Variants in CHAF1B observed in about 807,000 individuals in gnomAD.
CHAF1B encodes the protein chromatin assembly factor 1 subunit B.
In CHAF1B, 10 loss-of-function variants were observed where a neutral mutation model predicts 60.7. The observed-to-expected ratio is 0.16, with a 90% confidence interval of 0.10 to 0.28. CHAF1B has a LOEUF of 0.28. Among genes scored for constraint, CHAF1B ranks in the 10% least tolerant of loss-of-function variants. CHAF1B has a pLI of 1.00. For synonymous variants in CHAF1B, 261 were observed against 266.1 expected, an observed-to-expected ratio of 0.98 and a Z score of 0.19; for missense variants, 558 against 708.4, an observed-to-expected ratio of 0.79 and a Z score of 2.41.
chr21:36,409,834 G>A (rs1350925376), intron 10 of CHAF1B, among the ~76,000 whole-genome samples: 2 of 151,384 alleles, frequency 1.3e-5, no homozygotes, highest in African/African-American at 2.4e-5. Context: ...GCAAAGACTG[G>A]GGTTATCAAA....
At chr21:36,406,682 A>G (rs1333679094) in intron 8 of CHAF1B, among the ~76,000 whole-genome samples, 1 of 152,166 alleles carries the variant, frequency 6.6e-6, no homozygotes, top group Non-Finnish European at 1.5e-5. Flanking sequence ...AAATCTAGCT[A>G]ATTAGCATAG....
chr21:36,409,431 G>C lies in CHAF1B; in HGVS notation c.885G>C (p.Pro295=), dbSNP rs760372569. ...GKATLAVRCC[P]VYFELRPVVE... Reference sequence around the variant, plus strand: ...CCACTCTTGCTGTTCGCTGCTGTCCGGTCTACTTTGAACTGAGGCCAGTGG... The same window carrying C: ...CCACTCTTGCTGTTCGCTGCTGTCCCGTCTACTTTGAACTGAGGCCAGTGG... The change falls in exon 10 of 14, where the codon CCG becomes CCC. Residue 295 remains proline (P), a synonymous_variant. Coordinates refer to ENST00000314103, the MANE Select transcript of CHAF1B (RefSeq NM_005441.3). The C allele has an allele frequency of 6.2e-7, 1 of 1,613,716 alleles. No individual in the cohort carries two copies. Among genetic ancestry groups the C allele is most frequent in the African/African-American group, 1.3e-5 (1 of 74,918 alleles).
At chr21:36,387,851 T>C in intron 3 of CHAF1B, 121 bp downstream of exon 3, 1 of 1,228,270 alleles carries the variant, frequency 8.1e-7, no homozygotes, top group Non-Finnish European at 1.1e-6. Context: ...AGAGTTTCAC[T>C]CTTGTTCCCC....
Position 36,386,081 on chromosome 21 carries a change from C to A in CHAF1B, c.-56C>A. 1 of 1,605,952 alleles carries A rather than the reference C, an allele frequency of 6.2e-7. No homozygotes were observed. Among genetic ancestry groups the A allele is most frequent in the Non-Finnish European group, 8.5e-7 (1 of 1,174,552 alleles). On this transcript the variant is annotated 5_prime_UTR_variant, in exon 2 of 14. Coordinates refer to ENST00000314103, the MANE Select transcript of CHAF1B (RefSeq NM_005441.3). The stretch of plus-strand genomic sequence containing the variant: ...CCAGCATTTTGCAGCTTTCTCCTGT[C>A]TTGAAGAAGTAGAACGGTGCCCGAG...
At chr21:36,412,712 A>C in intron 11 of CHAF1B, 172 bp from the exon 12 acceptor site, 8 of 632,984 alleles carry the variant, frequency 1.3e-5, no homozygotes, top group Admixed American at 3.0e-5. Context: ...CGACTTAGCA[A>C]ATCGCGATGA....
chr21:36,397,631 C>T, intron 6 of CHAF1B, 120 bp downstream of exon 6: 2 of 407,086 alleles, frequency 4.9e-6, no homozygotes, highest in Non-Finnish European at 4.4e-6. Flanking sequence ...TTCTTTTGTT[C>T]TTGTTTTCAT....
Position 36,391,500 on chromosome 21 carries a change from A to G in CHAF1B, c.260-51A>G, listed in dbSNP as rs763992472. 6 of 1,062,812 alleles carry G rather than the reference A, an allele frequency of 5.6e-6. No individual in the cohort carries two copies. The South Asian group carries it at 6.7e-5, about 12-fold the overall frequency. 65.8% of individuals were successfully genotyped at this position (1,062,812 alleles called of 1,614,324 possible). Reference sequence around the variant, plus strand: ...AAAAAATGAAAATAAAAATCCTAATATGAAGGAGTGTGGGTGAAGCGTGGA... The same window carrying G: ...AAAAAATGAAAATAAAAATCCTAATGTGAAGGAGTGTGGGTGAAGCGTGGA... On this transcript the variant is annotated intron_variant, in intron 3 of 13. Coordinates refer to ENST00000314103, the MANE Select transcript of CHAF1B (RefSeq NM_005441.3).
intron 4 of CHAF1B, among the ~76,000 whole-genome samples, chr21:36,392,447 C>T (rs2086097571): frequency 6.6e-6 from 1 of 152,236 alleles, no homozygotes; most frequent in South Asian, 2.1e-4. Context: ...GGTACACCTC[C>T]CAGACGGGGT....
intron 3 of CHAF1B, among the ~76,000 whole-genome samples, chr21:36,388,394 A>C (rs1417875235): frequency 6.6e-6 from 1 of 151,744 alleles, no homozygotes; most frequent in Non-Finnish European, 1.5e-5. Flanking sequence ...TGTGGTGATC[A>C]GAGTCAGTTC....
At chr21:36,389,998 C>T (rs1189722736) in intron 3 of CHAF1B, among the ~76,000 whole-genome samples, 3 of 152,116 alleles carry the variant, frequency 2.0e-5, no homozygotes, top group African/African-American at 7.2e-5. Flanking sequence ...GTTAACCAAG[C>T]TCCCAGACTA....
intron 7 of CHAF1B, among the ~76,000 whole-genome samples, chr21:36,401,153 G>A (rs138341387): frequency 6.6e-6 from 1 of 151,916 alleles, no homozygotes; most frequent in African/African-American, 2.4e-5. Flanking sequence ...TGTAGTCCCA[G>A]CTACTCCGGT....
intron 8 of CHAF1B, among the ~76,000 whole-genome samples, chr21:36,405,908 C>A (rs1397031441): frequency 1.3e-5 from 2 of 151,808 alleles, no homozygotes; most frequent in Non-Finnish European, 2.9e-5. Context: ...TGGATGAAAT[C>A]TCAGCTTTGT....
At chr21:36,415,906 TCA>T (rs1316929032) in intron 13 of CHAF1B, 2 of 323,040 alleles carry the variant, frequency 6.2e-6, no homozygotes, top group African/African-American at 4.4e-5. Flanking sequence ...GCGTGCGCCA[TCA>T]CACCCGGGTA....
chr21:36,407,829 T>C (rs2086249614), intron 8 of CHAF1B, among the ~76,000 whole-genome samples: 2 of 151,942 alleles, frequency 1.3e-5, no homozygotes, highest in South Asian at 4.2e-4. Context: ...AATACAAAAA[T>C]TAGCCGGGCA....
intron 10 of CHAF1B, among the ~76,000 whole-genome samples, chr21:36,409,784 C>T (rs1290090396): frequency 1.3e-5 from 2 of 151,664 alleles, no homozygotes; most frequent in Non-Finnish European, 2.9e-5. Context: ...AGGTGTGAGC[C>T]CCTGTGCCCG....
At chr21:36,386,681 C>T (rs943411296) in intron 2 of CHAF1B, among the ~76,000 whole-genome samples, 1 of 151,820 alleles carries the variant, frequency 6.6e-6, no homozygotes, top group East Asian at 1.9e-4. Context: ...TTTCCAGGGC[C>T]TGCGGTGAAC....
chr21:36,393,619 T>A (rs2086111956), intron 4 of CHAF1B, among the ~76,000 whole-genome samples: 1 of 151,660 alleles, frequency 6.6e-6, no homozygotes, highest in South Asian at 2.1e-4. Flanking sequence ...GCCCAGCTAA[T>A]TTTTTTGTAT....
Position 36,413,053 on chromosome 21 carries a change from C to T in CHAF1B, c.1231C>T (p.Pro411Ser), listed in dbSNP as rs771625691. 17 of 1,614,180 alleles carry T rather than the reference C, an allele frequency of 1.1e-5. No individual in the cohort carries two copies. The highest frequency in any genetic ancestry group is 7.7e-5 in the South Asian group (7 of 91,072). ...TKSQTHRGSS[P>S]GPRPVEGTPA... Reference sequence around the variant, plus strand: ...GAGTCAGACACATCGAGGGTCTTCGCCAGGACCCAGACCGGTAGAGGGAAC... The same window carrying T: ...GAGTCAGACACATCGAGGGTCTTCGTCAGGACCCAGACCGGTAGAGGGAAC... Residue 411 changes from proline to serine, a missense_variant, in exon 12 of 14, where the codon CCA becomes TCA. By Grantham distance (74) the Pro-to-Ser change is moderately conservative. Around this residue, in one of 2 missense-constraint regions of CHAF1B, gnomAD observed 233 missense variants for 214.9 expected, o/e 1.08. Transcript: ENST00000314103.
intron 5 of CHAF1B, among the ~76,000 whole-genome samples, chr21:36,394,946 G>T (rs1044394126): frequency 6.6e-6 from 1 of 151,844 alleles, no homozygotes; most frequent in Non-Finnish European, 1.5e-5. Flanking sequence ...GGCCAGGCTG[G>T]TCTCAAACTC....
Sources: gnomAD v4.1 joint callset for allele counts (sites outside exome capture counted in the v4.1 genomes callset) on GRCh38, gnomAD v4.1.1 for gene constraint, gnomAD v4.1.1 regional missense constraint, MANE v1.5 for transcripts, NCBI Gene and HGNC (gene_info 2026-07-23, HGNC 2026-07-21) for gene names.